Variants in LYRM4 observed in about 807,000 individuals in gnomAD.
LYRM4 encodes LYR motif-containing protein 4.
In LYRM4, 9 loss-of-function variants were observed where a neutral mutation model predicts 11.7. That is an observed-to-expected ratio of 0.77 (90% CI 0.46 to 1.34). The LOEUF is 1.34. LYRM4 is among the 40% of genes most tolerant of loss of function. The pLI is 0.00. For synonymous variants in LYRM4, 42 were observed against 40.4 expected, an observed-to-expected ratio of 1.04 and a Z score of -0.15; for missense variants, 133 against 112.5, an observed-to-expected ratio of 1.18 and a Z score of -0.82.
chr6:5,229,676 T>C (rs926668152), intron 1 of LYRM4, among the ~76,000 whole-genome samples: 1 of 152,210 alleles, frequency 6.6e-6, no homozygotes, highest in African/African-American at 2.4e-5. Context: ...AGATATCTGT[T>C]GAGATAAATA....
At chr6:5,201,812 A>G in intron 2 of LYRM4, among the ~76,000 whole-genome samples, 1 of 152,216 alleles carries the variant, frequency 6.6e-6, no homozygotes, top group Non-Finnish European at 1.5e-5. Context: ...AATTCATTCT[A>G]TTAAAATGCA....
intron 1 of LYRM4, chr6:5,218,156 C>A: frequency 1.3e-6 from 1 of 741,570 alleles, no homozygotes; most frequent in Non-Finnish European, 1.6e-6. Flanking sequence ...ATCCTCCTGC[C>A]TTAGCATCTC....
intron 1 of LYRM4, among the ~76,000 whole-genome samples, chr6:5,236,647 C>G (rs9392665): frequency 0.22 from 33,388 of 151,462 alleles, 4,137 homozygotes; most frequent in Admixed American, 0.28. Context: ...AATAATCCCT[C>G]TAAAAAAATC....
At chr6:5,158,473 GTT>G (rs3055917) in intron 2 of LYRM4, among the ~76,000 whole-genome samples, 147 of 128,524 alleles carry the variant, frequency 1.1e-3, no homozygotes, top group South Asian at 6.4e-3. Flanking sequence ...TGGTCTCCAC[GTT>G]TTTTTTTTTT....
chr6:5,204,369 T>G (rs947137823), intron 2 of LYRM4, among the ~76,000 whole-genome samples: 2 of 151,856 alleles, frequency 1.3e-5, no homozygotes, highest in African/African-American at 4.8e-5. Flanking sequence ...AAAGGAGGAG[T>G]TTTAGTCTGA....
At chr6:5,081,614 G>A in the LYRM4 span, among the ~76,000 whole-genome samples, 3 of 152,152 alleles carry the variant, frequency 2.0e-5, no homozygotes, top group Admixed American at 6.5e-5. Flanking sequence ...TAGACCTCCT[G>A]TAGTATAATA....
chr6:5,216,575 T>A (rs779402814), intron 2 of LYRM4, 43 bp downstream of exon 2: 1 of 1,611,840 alleles, frequency 6.2e-7, no homozygotes, highest in Non-Finnish European at 8.5e-7. Flanking sequence ...TGTCGAAGTT[T>A]AAAGCTCTTA....
At chr6:5,239,194 G>A (rs1763722114) in intron 1 of LYRM4, among the ~76,000 whole-genome samples, 1 of 152,164 alleles carries the variant, frequency 6.6e-6, no homozygotes, top group African/African-American at 2.4e-5. Context: ...TCCGGCAAGG[G>A]AAATAAGTGA....
chr6:5,176,107 C>T (rs1759706322), intron 2 of LYRM4, among the ~76,000 whole-genome samples: 1 of 151,468 alleles, frequency 6.6e-6, no homozygotes, highest in Non-Finnish European at 1.5e-5. Flanking sequence ...CTCTATTGCC[C>T]AGGCTGGAGT....
Position 5,260,850 on chromosome 6 carries a change from T to G in LYRM4, c.-117A>C. The G allele has an allele frequency of 6.7e-7, 1 of 1,496,848 alleles. No homozygotes were observed. Among genetic ancestry groups the G allele is most frequent in the Non-Finnish European group, 8.9e-7 (1 of 1,128,950 alleles). 92.7% of individuals were successfully genotyped at this position (1,496,848 alleles called of 1,614,324 possible). ...ACGAAATAAAATGCTGCGGCTCGGCTTTGCCAGCGGGCCGGGCCTAAGCCT... is the reference window on the plus strand; with the variant it reads ...ACGAAATAAAATGCTGCGGCTCGGCGTTGCCAGCGGGCCGGGCCTAAGCCT... On this transcript the variant is annotated 5_prime_UTR_variant, in exon 1 of 3. Transcript: ENST00000330636.
intron 2 of LYRM4, among the ~76,000 whole-genome samples, chr6:5,191,938 A>G (rs976704611): frequency 6.6e-6 from 1 of 152,216 alleles, no homozygotes; most frequent in Non-Finnish European, 1.5e-5. Context: ...GTAACCTTAG[A>G]GAAACAATCC....
At chr6:5,224,548 T>C (rs1762768228) in intron 1 of LYRM4, among the ~76,000 whole-genome samples, 1 of 152,216 alleles carries the variant, frequency 6.6e-6, no homozygotes, top group East Asian at 1.9e-4. Flanking sequence ...ACCTGAAATA[T>C]GCAGATATAT....
At chr6:5,182,607 C>T (rs533157387) in intron 2 of LYRM4, among the ~76,000 whole-genome samples, 74 of 152,334 alleles carry the variant, frequency 4.9e-4, no homozygotes, top group African/African-American at 1.7e-3. Context: ...ACATCTCTCT[C>T]TTCATCCTAA....
intron 2 of LYRM4, among the ~76,000 whole-genome samples, chr6:5,162,511 G>GAGAGAGAGAGAGAGAGAGAA (rs60651754): frequency 6.1e-5 from 9 of 147,628 alleles, no homozygotes; most frequent in South Asian, 2.2e-4. Flanking sequence ...GAGAGAGAGA[G>GAGAGAGAGAGAGAGAGAGAA]AGAGAGAGAG....
chr6:5,172,534 G>C (rs1759493747), intron 2 of LYRM4, among the ~76,000 whole-genome samples: 1 of 152,118 alleles, frequency 6.6e-6, no homozygotes, highest in African/African-American at 2.4e-5. Context: ...TCCTCCCAGG[G>C]ACTGAGCATC....
downstream of LYRM4, among the ~76,000 whole-genome samples, chr6:5,101,482 C>T (rs1413399444): frequency 1.3e-5 from 2 of 152,206 alleles, no homozygotes; most frequent in South Asian, 2.1e-4. Flanking sequence ...ATTTGATTAA[C>T]TCATTTTTAT....
chr6:5,154,896 G>C (rs1263737323), intron 2 of LYRM4, among the ~76,000 whole-genome samples: 2 of 152,192 alleles, frequency 1.3e-5, no homozygotes, highest in Non-Finnish European at 2.9e-5. Flanking sequence ...AAATTACACA[G>C]TGTCAGAGGG....
At chr6:5,044,604 CTTTT>C in the LYRM4 span, among the ~76,000 whole-genome samples, 1 of 152,126 alleles carries the variant, frequency 6.6e-6, no homozygotes, top group Admixed American at 6.5e-5. Context: ...GCCATGGTTT[CTTTT>C]TTTCCTTCCT....
Position 5,260,797 on chromosome 6 carries a change from G to A in LYRM4, c.-64C>T. 1 of 1,533,698 alleles carries A rather than the reference G, an allele frequency of 6.5e-7. No individual in the cohort carries two copies. The highest frequency in any genetic ancestry group is 8.7e-7 in the Non-Finnish European group (1 of 1,145,718). On this transcript the variant is annotated 5_prime_UTR_variant, in exon 1 of 3. Transcript: ENST00000330636. ...AGGTCCCAAGTACGACCCAACCCAC[G>A]AAACTCCAGCCTGTGCGGAAACCAC...
Sources: gnomAD v4.1 joint callset for allele counts (sites outside exome capture counted in the v4.1 genomes callset) on GRCh38, gnomAD v4.1.1 for gene constraint, MANE v1.5 for transcripts, NCBI Gene and HGNC (gene_info 2026-07-23, HGNC 2026-07-21) for gene names.